The following XKR3 variants were observed in gnomAD, a reference collection of about 807,000 sequenced individuals.
XKR3 encodes the protein XK related 3, also known as XK-related protein 3.
A neutral mutation model predicts 40.3 loss-of-function variants in XKR3; 27 were observed. The ratio of observed to expected loss-of-function variants is 0.67; its 90% CI spans 0.49 to 0.92. XKR3 has a LOEUF of 0.92. Among genes scored for constraint, XKR3 ranks in the 40% least tolerant of loss-of-function variants. The probability of loss-of-function intolerance (pLI) is 0.00; values close to 1 mark genes in which losing one functional copy is unlikely to be tolerated. For synonymous variants in XKR3, 193 were observed against 195.4 expected, an observed-to-expected ratio of 0.99 and a Z score of 0.10; for missense variants, 472 against 537.6, an observed-to-expected ratio of 0.88 and a Z score of 1.21.
chr22:16,800,325 C>CT (rs1246647862), intron 2 of XKR3, among the ~76,000 whole-genome samples: 5 of 152,188 alleles, frequency 3.3e-5, no homozygotes, highest in African/African-American at 1.2e-4. Context: ...AATTCACTTT[C>CT]TCAAGGTCAG....
intron 3 of XKR3, among the ~76,000 whole-genome samples, chr22:16,791,356 G>A (rs5748633): frequency 0.81 from 123,491 of 151,684 alleles, 50,607 homozygotes; most frequent in Middle Eastern, 0.97. Context: ...GTGAAACAAT[G>A]GTTACCAGAG....
intron 1 of XKR3, among the ~76,000 whole-genome samples, chr22:16,810,387 C>A (rs2060207716): frequency 6.6e-6 from 1 of 152,142 alleles, no homozygotes; most frequent in Non-Finnish European, 1.5e-5. Flanking sequence ...CTTTTCATTG[C>A]ATCATTTCTA....
At chr22:16,799,734 C>T (rs748539508) in intron 3 of XKR3, 37 bp downstream of exon 3, 18 of 1,608,258 alleles carry the variant, frequency 1.1e-5, no homozygotes, top group African/African-American at 4.0e-5. Flanking sequence ...CTTTATTGAC[C>T]TTTGTGTGTC....
intron 3 of XKR3, among the ~76,000 whole-genome samples, chr22:16,799,413 C>CAAA (rs528071823): frequency 0.016 from 516 of 32,514 alleles, 91 homozygotes; most frequent in African/African-American, 0.062. Flanking sequence ...GACTATGTCT[C>CAAA]AAAAAAAAAA....
intron 1 of XKR3, among the ~76,000 whole-genome samples, chr22:16,822,009 T>A (rs1222598221): frequency 2.0e-5 from 3 of 152,140 alleles, no homozygotes; most frequent in South Asian, 2.1e-4. Flanking sequence ...TCTTACTGTA[T>A]CTACAAATTA....
intron 2 of XKR3, among the ~76,000 whole-genome samples, chr22:16,803,377 T>TA (rs1432052574): frequency 1.3e-5 from 2 of 152,158 alleles, no homozygotes; most frequent in African/African-American, 4.8e-5. Flanking sequence ...AAATAGGATT[T>TA]ATTTCCACAA....
chr22:16,790,342 G>GA (rs35876120), intron 3 of XKR3, among the ~76,000 whole-genome samples: 90 of 124,518 alleles, frequency 7.2e-4, no homozygotes, highest in African/African-American at 2.1e-3. Flanking sequence ...CTTCCACGCA[G>GA]AAAAAAAAAA....
At chr22:16,803,685 G>A (rs1409000286) in intron 2 of XKR3, among the ~76,000 whole-genome samples, 9 of 152,238 alleles carry the variant, frequency 5.9e-5, no homozygotes, top group South Asian at 2.1e-4. Context: ...ACCTCTGGTC[G>A]TCCTCACTGC....
intron 3 of XKR3, 77 bp from the exon 4 acceptor site, chr22:16,784,486 T>C: frequency 1.5e-6 from 2 of 1,327,368 alleles, no homozygotes; most frequent in Non-Finnish European, 2.0e-6. Context: ...AACTTGCCAT[T>C]TTAAGATATA....
chr22:16,812,164 CT>C (rs1275115195), intron 1 of XKR3, among the ~76,000 whole-genome samples: 1 of 152,194 alleles, frequency 6.6e-6, no homozygotes, highest in Non-Finnish European at 1.5e-5. Flanking sequence ...AGAAAGCATG[CT>C]TTCATACTCA....
At chr22:16,794,025 C>T (rs1401943099) in intron 3 of XKR3, among the ~76,000 whole-genome samples, 1 of 152,172 alleles carries the variant, frequency 6.6e-6, no homozygotes, top group African/African-American at 2.4e-5. Context: ...ATGAATAAAA[C>T]ATCCAAGAAA....
At chr22:16,785,643 T>C (rs2146137905) in intron 3 of XKR3, among the ~76,000 whole-genome samples, 1 of 152,028 alleles carries the variant, frequency 6.6e-6, no homozygotes, top group East Asian at 1.9e-4. Context: ...GGTGGGTGTA[T>C]CAAGAGGTCA....
At chr22:16,795,903 G>A (rs1437294129) in intron 3 of XKR3, among the ~76,000 whole-genome samples, 1 of 152,108 alleles carries the variant, frequency 6.6e-6, no homozygotes, top group Non-Finnish European at 1.5e-5. Flanking sequence ...GGAGGTGGAA[G>A]TGTCAGTGAT....
intron 3 of XKR3, among the ~76,000 whole-genome samples, chr22:16,790,894 T>TG (rs2060113116): frequency 4.7e-5 from 3 of 63,274 alleles, no homozygotes; most frequent in African/African-American, 9.4e-5. Flanking sequence ...AAAGAAACGT[T>TG]GAAAAAAAAA....
chr22:16,813,418 A>G (rs562368840), intron 1 of XKR3, among the ~76,000 whole-genome samples: 1 of 152,282 alleles, frequency 6.6e-6, no homozygotes, highest in African/African-American at 2.4e-5. Context: ...CCTAAACTCG[A>G]GATTTCTATA....
chr22:16,807,101 T>A (rs556986014), intron 2 of XKR3, among the ~76,000 whole-genome samples: 2 of 152,276 alleles, frequency 1.3e-5, no homozygotes, highest in African/African-American at 4.8e-5. Flanking sequence ...AAGAAAGTTA[T>A]AAAAGAATTT....
At chr22:16,815,845 G>T (rs750906606) in intron 1 of XKR3, among the ~76,000 whole-genome samples, 18 of 151,860 alleles carry the variant, frequency 1.2e-4, no homozygotes, top group Non-Finnish European at 2.5e-4. Context: ...TTGTGACAAT[G>T]CTACTGAGGC....
In XKR3 at chr22:16,784,094, C is replaced by G. The variant is rs2060078660; in HGVS notation, c.905G>C (p.Gly302Ala). 1.2e-6 allele frequency: 2 copies of G among 1,614,016 alleles called. No homozygotes were observed. Among genetic ancestry groups the G allele is most frequent in the Non-Finnish European group, 1.7e-6 (2 of 1,180,048 alleles). ...GNKENNSNMV[G>A]TVLMLFLITL... is the part of the protein sequence containing the mutation. ...GATCAAGAAAAGCATCAGTACTGTA[C>G]CCACCATATTGGAATTATTTTCTTT... is the stretch of plus-strand genomic sequence containing the variant. Residue 302 changes from glycine (G) to alanine (A), a missense_variant, in exon 4 of 4, where the codon GGT becomes GCT. Physicochemically the swap from Gly to Ala is moderately conservative, Grantham distance 60. Transcript: ENST00000684488.
At chr22:16,818,439 C>T (rs2060242495) in intron 1 of XKR3, among the ~76,000 whole-genome samples, 1 of 151,980 alleles carries the variant, frequency 6.6e-6, no homozygotes, top group South Asian at 2.1e-4. Context: ...TAGAAGTTTC[C>T]AATTCTGAAT....
Sources: gnomAD v4.1 joint callset for allele counts (sites outside exome capture counted in the v4.1 genomes callset) on GRCh38, gnomAD v4.1.1 for gene constraint, MANE v1.5 for transcripts, NCBI Gene and HGNC (gene_info 2026-07-23, HGNC 2026-07-21) for gene names.